The following RABGAP1L variants were observed in gnomAD, a reference collection of about 807,000 sequenced individuals.
The protein encoded by RABGAP1L is RAB GTPase activating protein 1 like, also known as rab GTPase-activating protein 1-like.
In RABGAP1L, 63 loss-of-function variants were observed where a neutral mutation model predicts 137.7. That is an observed-to-expected ratio of 0.46 (90% CI 0.37 to 0.56). The LOEUF (loss-of-function observed/expected upper bound fraction) is 0.56, where lower values mean the gene tolerates loss of function less well. Among genes scored for constraint, RABGAP1L ranks in the 20% least tolerant of loss-of-function variants. The probability of loss-of-function intolerance (pLI) is 0.00; values close to 1 mark genes in which losing one functional copy is unlikely to be tolerated. For synonymous variants in RABGAP1L, 431 were observed against 433.7 expected (o/e 0.99, Z 0.08); for missense variants, 1,095 against 1,244.0 (o/e 0.88, Z 1.80).
chr1:174,339,030 C>A (rs906252142), intron 11 of RABGAP1L, among the ~76,000 whole-genome samples: 1 of 152,112 alleles, frequency 6.6e-6, no homozygotes, highest in African/African-American at 2.4e-5. Context: ...GTGAAATGTA[C>A]TGTATGACTA....
intron 13 of RABGAP1L, among the ~76,000 whole-genome samples, chr1:174,458,895 G>A (rs1000445377): frequency 6.6e-6 from 1 of 151,894 alleles, no homozygotes; most frequent in African/African-American, 2.4e-5. Context: ...TACTCCAATA[G>A]GCCGTAAAAC....
intron 13 of RABGAP1L, among the ~76,000 whole-genome samples, chr1:174,506,928 G>A (rs975247923): frequency 1.3e-5 from 2 of 152,026 alleles, no homozygotes; most frequent in African/African-American, 4.8e-5. Flanking sequence ...GGGCAACATG[G>A]CGAAACCTCA....
At chr1:174,718,869 C>T (rs1220184186) in intron 17 of RABGAP1L, among the ~76,000 whole-genome samples, 32 of 130,844 alleles carry the variant, frequency 2.4e-4, no homozygotes, top group Admixed American at 2.0e-3. Flanking sequence ...GACAGAGTTT[C>T]GCTCTTGTTG....
At chr1:174,509,752 C>T (rs1465209797) in intron 13 of RABGAP1L, among the ~76,000 whole-genome samples, 2 of 152,166 alleles carry the variant, frequency 1.3e-5, no homozygotes, top group African/African-American at 4.8e-5. Flanking sequence ...TAAATGACTT[C>T]AAAGTCAAGA....
chr1:174,848,550 G>A (rs1336877050), intron 19 of RABGAP1L, among the ~76,000 whole-genome samples: 1 of 148,724 alleles, frequency 6.7e-6, no homozygotes, highest in Non-Finnish European at 1.5e-5. Flanking sequence ...GGGGGTCAGG[G>A]GTCAGGGACC....
chr1:174,734,900 C>CT (rs960667145), intron 17 of RABGAP1L, among the ~76,000 whole-genome samples: 10 of 136,410 alleles, frequency 7.3e-5, no homozygotes, highest in African/African-American at 1.6e-4. Context: ...CTTATTTAGT[C>CT]TTTTTTTTAA....
intron 19 of RABGAP1L, among the ~76,000 whole-genome samples, chr1:174,833,449 G>GATATATATATATATATATATAT (rs760181639): frequency 0.024 from 678 of 27,722 alleles, 105 homozygotes; most frequent in Non-Finnish European, 0.048. Flanking sequence ...TGTGTGTAGA[G>GATATATATATATATATATATAT]ATATATATAT....
intron 19 of RABGAP1L, among the ~76,000 whole-genome samples, chr1:174,847,295 G>A (rs193267029): frequency 4.6e-4 from 70 of 151,614 alleles, no homozygotes; most frequent in African/African-American, 1.6e-3. Context: ...GATTTTGCTC[G>A]TTAGTTGATG....
intron 13 of RABGAP1L, among the ~76,000 whole-genome samples, chr1:174,396,222 G>A (rs1647826033): frequency 6.6e-6 from 1 of 152,024 alleles, no homozygotes; most frequent in South Asian, 2.1e-4. Context: ...TTAGATGATG[G>A]AAATATTCTG....
At chr1:174,238,125 CT>C (rs1285295846) in intron 4 of RABGAP1L, among the ~76,000 whole-genome samples, 1 of 152,104 alleles carries the variant, frequency 6.6e-6, no homozygotes, top group African/African-American at 2.4e-5. Flanking sequence ...GCTCCATCAG[CT>C]CCTTTAGGCA....
chr1:174,820,577 C>T (rs767216747), intron 19 of RABGAP1L, among the ~76,000 whole-genome samples: 5 of 151,970 alleles, frequency 3.3e-5, no homozygotes, highest in Middle Eastern at 3.2e-3. Flanking sequence ...TGAAAGACTA[C>T]AAGAAAAGGG....
intron 12 of RABGAP1L, 46 bp downstream of exon 12, chr1:174,371,118 G>T: frequency 9.2e-7 from 1 of 1,085,246 alleles, no homozygotes; most frequent in Admixed American, 1.8e-5. Flanking sequence ...TTACATAGTT[G>T]ATGTTAATTT....
chr1:174,710,511 G>A (rs187311734), intron 17 of RABGAP1L, among the ~76,000 whole-genome samples: 9 of 152,250 alleles, frequency 5.9e-5, no homozygotes, highest in Admixed American at 5.2e-4. Flanking sequence ...GAAGAGAGTG[G>A]GGGCCAATTT....
At chr1:174,665,276 C>T (rs1451181881) in intron 14 of RABGAP1L, among the ~76,000 whole-genome samples, 1 of 152,138 alleles carries the variant, frequency 6.6e-6, no homozygotes, top group Non-Finnish European at 1.5e-5. Flanking sequence ...AATTATTTAA[C>T]CTACCTTGAA....
intron 13 of RABGAP1L, among the ~76,000 whole-genome samples, chr1:174,559,995 C>T (rs75252573): frequency 0.21 from 31,870 of 151,996 alleles, 3,687 homozygotes; most frequent in Admixed American, 0.25. Context: ...ATTAGCCAGG[C>T]GTGTTGGCAC....
chr1:174,598,550 G>T (rs989137125), intron 13 of RABGAP1L, among the ~76,000 whole-genome samples: 4 of 151,986 alleles, frequency 2.6e-5, no homozygotes, highest in Non-Finnish European at 5.9e-5. Context: ...CTCTTTCTTA[G>T]CTATAATAAT....
chr1:174,255,650 G>C (rs1324832975), intron 7 of RABGAP1L, among the ~76,000 whole-genome samples: 4 of 152,100 alleles, frequency 2.6e-5, no homozygotes, highest in Non-Finnish European at 4.4e-5. Context: ...TCAGCCTTCT[G>C]TGTAGCTGAG....
intron 13 of RABGAP1L, among the ~76,000 whole-genome samples, chr1:174,458,411 C>G (rs1048365132): frequency 6.6e-6 from 1 of 151,846 alleles, no homozygotes; most frequent in African/African-American, 2.4e-5. Flanking sequence ...TTGTATGCTA[C>G]TCACAGTAGA....
rs933248198 is a variant in RABGAP1L, at chr1:174,761,507, C to T, written c.2211+9153C>T. 2.0e-5 allele frequency among the ~76,000 whole-genome samples: 3 copies of T among 151,214 alleles called. No individual in the cohort carries two copies. Among genetic ancestry groups the T allele is most frequent in the East Asian group, 2.0e-4 (1 of 5,098 alleles). On this transcript the variant is annotated intron_variant, in intron 18 of 25. Transcript: ENST00000681986. This position sits in a 1 kb window ranked among gnomAD's most constrained non-coding sequence, Gnocchi z 4.0. ...AGACAATGCAGGGGCCGGGGAGAGG[C>T]GCTGCTCACTTCCCAGCAGAGGCTC...
Sources: gnomAD v4.1 joint callset for allele counts (sites outside exome capture counted in the v4.1 genomes callset) on GRCh38, gnomAD v4.1.1 for gene constraint, Gnocchi (gnomAD v3.1) non-coding constraint, MANE v1.5 for transcripts, NCBI Gene and HGNC (gene_info 2026-07-23, HGNC 2026-07-21) for gene names.